The following ELMO1 variants were observed in gnomAD, a reference collection of about 807,000 sequenced individuals.
ELMO1 encodes the protein engulfment and cell motility 1, also known as engulfment and cell motility protein 1.
In ELMO1, 26 loss-of-function variants were observed where a neutral mutation model predicts 98.9. The observed-to-expected ratio is 0.26, with a 90% CI of 0.19 to 0.36. ELMO1 has a LOEUF of 0.36. Among genes scored for constraint, ELMO1 ranks in the 10% least tolerant of loss-of-function variants. The pLI is 1.00. For synonymous variants in ELMO1, 346 were observed against 346.0 expected (o/e 1.00, Z 0.00); for missense variants, 627 against 935.2 (o/e 0.67, Z 4.30).
chr7:37,001,938 G>T (rs1792698824), intron 16 of ELMO1: 1 of 152,268 alleles, frequency 6.6e-6, no homozygotes, highest in Non-Finnish European at 1.5e-5. Flanking sequence ...TGTTGGAGGA[G>T]ATTCGGAAAA....
intron 11 of ELMO1, among the ~76,000 whole-genome samples, chr7:37,215,672 A>C (rs1183342932): frequency 1.3e-5 from 2 of 152,246 alleles, no homozygotes; most frequent in African/African-American, 2.4e-5. Flanking sequence ...CAGCCAGCTT[A>C]CCTGGCCTCA....
intron 11 of ELMO1, 98 bp from the exon 12 acceptor site, chr7:37,213,555 GGTATA>G: frequency 8.5e-7 from 1 of 1,173,372 alleles, no homozygotes; most frequent in Non-Finnish European, 1.2e-6. Flanking sequence ...TTCACTGGGA[GGTATA>G]AGGAATGGAG....
chr7:37,191,610 A>T (rs1791581861), intron 13 of ELMO1, among the ~76,000 whole-genome samples: 1 of 152,186 alleles, frequency 6.6e-6, no homozygotes, highest in Non-Finnish European at 1.5e-5. Context: ...TTTTGGTTCA[A>T]CCACTTAATA....
At chr7:37,053,146 A>C (rs1796201946) in intron 15 of ELMO1, among the ~76,000 whole-genome samples, 1 of 152,358 alleles carries the variant, frequency 6.6e-6, no homozygotes, top group African/African-American at 2.4e-5. Flanking sequence ...AAGTTAGTAC[A>C]TATGCACATG....
chr7:37,105,297 C>T (rs375295247), intron 14 of ELMO1, among the ~76,000 whole-genome samples: 1 of 152,266 alleles, frequency 6.6e-6, no homozygotes, highest in African/African-American at 2.4e-5. Context: ...CTGAGGGAAG[C>T]CAAGCTCTGC....
intron 15 of ELMO1, among the ~76,000 whole-genome samples, chr7:37,029,903 C>T (rs745365402): frequency 3.3e-5 from 5 of 152,084 alleles, no homozygotes; most frequent in African/African-American, 4.8e-5. Flanking sequence ...CTAAGTTATT[C>T]GTAATACTCG....
intron 15 of ELMO1, among the ~76,000 whole-genome samples, chr7:37,063,549 A>G (rs1456289348): frequency 6.6e-6 from 1 of 152,194 alleles, no homozygotes; most frequent in Non-Finnish European, 1.5e-5. Flanking sequence ...AGTATCAGCA[A>G]TAGATATGGA....
intron 13 of ELMO1, among the ~76,000 whole-genome samples, chr7:37,191,862 G>A (rs1190907145): frequency 6.6e-6 from 1 of 152,216 alleles, no homozygotes; most frequent in Non-Finnish European, 1.5e-5. Flanking sequence ...AGGTTGCAGT[G>A]AGCCAAGATC....
chr7:37,403,383 C>A (rs542174798), intron 1 of ELMO1, among the ~76,000 whole-genome samples: 218 of 152,128 alleles, frequency 1.4e-3, no homozygotes, highest in African/African-American at 5.1e-3. Context: ...ACAGTGAAAT[C>A]CCCCCAACTC....
rs539049642 is a variant in ELMO1, at chr7:37,296,300, C to A, written c.192+18550G>T. 1.0e-3 allele frequency among the ~76,000 whole-genome samples: 156 copies of A among 152,234 alleles called. 1 individual carries two copies. The highest frequency in any genetic ancestry group is 3.5e-3 in the African/African-American group (146 of 41,530). On this transcript the variant is annotated intron_variant, in intron 4 of 21. Coordinates refer to ENST00000310758, the MANE Select transcript of ELMO1 (RefSeq NM_014800.11). ...TTTCCCACTGGCTGTTGGCCAGGGA[C>A]CCCTCTCAGCTCTGAGAGGTTGATC... is the stretch of plus-strand genomic sequence containing the variant.
intron 1 of ELMO1, among the ~76,000 whole-genome samples, chr7:37,435,391 C>T (rs1038232259): frequency 2.6e-5 from 4 of 152,222 alleles, no homozygotes; most frequent in Admixed American, 6.5e-5. Context: ...CCCCTGCATA[C>T]GATCCAATAC....
chr7:37,025,726 A>T (rs191191371), intron 15 of ELMO1, among the ~76,000 whole-genome samples: 4 of 152,124 alleles, frequency 2.6e-5, no homozygotes, highest in Admixed American at 6.5e-5. Flanking sequence ...CTGGGTCTCC[A>T]GCTTTCAGAT....
At chr7:36,969,331 T>C (rs1789716381) in intron 16 of ELMO1, among the ~76,000 whole-genome samples, 1 of 152,202 alleles carries the variant, frequency 6.6e-6, no homozygotes, top group African/African-American at 2.4e-5. Flanking sequence ...ACTAGAGTAA[T>C]AGTGTAATGA....
At chr7:37,401,007 G>T (rs1021826960) in intron 1 of ELMO1, among the ~76,000 whole-genome samples, 2 of 152,066 alleles carry the variant, frequency 1.3e-5, no homozygotes, top group East Asian at 3.9e-4. Flanking sequence ...AGAGACATCC[G>T]CCTGACTGAA....
At chr7:37,215,965 T>C (rs899154564) in intron 11 of ELMO1, among the ~76,000 whole-genome samples, 12 of 151,510 alleles carry the variant, frequency 7.9e-5, no homozygotes, top group African/African-American at 2.4e-4. Context: ...AACAGAGATT[T>C]TTCTTTTTCT....
chr7:37,145,961 A>C (rs1787956288), intron 13 of ELMO1, among the ~76,000 whole-genome samples: 1 of 152,168 alleles, frequency 6.6e-6, no homozygotes, highest in South Asian at 2.1e-4. Flanking sequence ...CTCTTCACCC[A>C]GGAGAAATGA....
chr7:37,400,223 C>T (rs1803468408), intron 1 of ELMO1, among the ~76,000 whole-genome samples: 1 of 152,178 alleles, frequency 6.6e-6, no homozygotes, highest in Non-Finnish European at 1.5e-5. Context: ...TTGTCTCGCA[C>T]ACAGCAGGGC....
intron 16 of ELMO1, among the ~76,000 whole-genome samples, chr7:37,007,568 C>T (rs1361443688): frequency 1.3e-5 from 2 of 152,220 alleles, no homozygotes; most frequent in Non-Finnish European, 2.9e-5. Context: ...GCGCCGTCTG[C>T]ACCACTATGA....
intron 10 of ELMO1, among the ~76,000 whole-genome samples, chr7:37,217,475 G>A (rs962711381): frequency 2.7e-5 from 4 of 149,476 alleles, no homozygotes; most frequent in Admixed American, 6.6e-5. Context: ...TTGTTTTGTG[G>A]TAGGGGGTGT....
Sources: gnomAD v4.1 joint callset for allele counts (sites outside exome capture counted in the v4.1 genomes callset) on GRCh38, gnomAD v4.1.1 for gene constraint, MANE v1.5 for transcripts, NCBI Gene and HGNC (gene_info 2026-07-23, HGNC 2026-07-21) for gene names.